The following CLINT1 variants were observed in gnomAD, a reference collection of about 807,000 sequenced individuals.
CLINT1 encodes the protein clathrin interactor 1.
In CLINT1, 15 loss-of-function variants were observed where a neutral mutation model predicts 70.4. That is an observed-to-expected ratio of 0.21 (90% CI 0.14 to 0.33). The LOEUF is 0.33. CLINT1 is among the 10% of genes least tolerant of loss of function. CLINT1 has a pLI of 1.00. For missense variants in CLINT1, 615 were observed against 778.1 expected (o/e 0.79, Z 2.49); for synonymous variants, 227 against 254.7 (o/e 0.89, Z 1.04).
chr5:157,803,635 A>T lies in CLINT1; in HGVS notation c.1012+15T>A, dbSNP rs762616691. On this transcript the variant is annotated intron_variant, in intron 8 of 11. Transcript: ENST00000411809. The stretch of plus-strand genomic sequence containing the variant: ...GACTCTCAAACCAAAAGAAAAGGCC[A>T]ATGTAGAAGCTTACCTGTTGACTGG... 3 of 1,452,920 alleles carry T rather than the reference A, an allele frequency of 2.1e-6. No individual in the cohort carries two copies. Among genetic ancestry groups the T allele is most frequent in the Non-Finnish European group, 2.8e-6 (3 of 1,088,826 alleles). The allele number at this position is 1,452,920 out of a possible 1,614,324, so 90.0% of individuals were successfully genotyped here. A position where few individuals can be genotyped will look rare whatever the true frequency, so the allele number is the denominator to read the frequency against.
At chr5:157,835,740 C>G (rs1481886659) in intron 1 of CLINT1, among the ~76,000 whole-genome samples, 1 of 152,112 alleles carries the variant, frequency 6.6e-6, no homozygotes, top group African/African-American at 2.4e-5. Flanking sequence ...ACAAAGCCAG[C>G]TCTTTTGGGG....
chr5:157,796,690 G>T (rs1194130806), intron 8 of CLINT1, among the ~76,000 whole-genome samples: 1 of 152,114 alleles, frequency 6.6e-6, no homozygotes, highest in Non-Finnish European at 1.5e-5. Flanking sequence ...TGCCCCATCT[G>T]CTACACTCAA....
intron 1 of CLINT1, among the ~76,000 whole-genome samples, chr5:157,825,940 G>T (rs1474474760): frequency 6.6e-6 from 1 of 152,082 alleles, no homozygotes; most frequent in Non-Finnish European, 1.5e-5. Flanking sequence ...ATTGCTGATT[G>T]ATATGGCTGA....
chr5:157,831,804 A>G (rs1187151), intron 1 of CLINT1, among the ~76,000 whole-genome samples: 20,185 of 146,804 alleles, frequency 0.14, 1,747 homozygotes, highest in African/African-American at 0.26. Flanking sequence ...AGCGATTCCC[A>G]TCTTACTCTC....
At chr5:157,788,150 T>C in intron 11 of CLINT1, 158 bp from the exon 12 acceptor site, 1 of 687,334 alleles carries the variant, frequency 1.5e-6, no homozygotes, top group Non-Finnish European at 2.6e-6. Flanking sequence ...TCTGCACTGG[T>C]TCCTCTTGAG....
rs760370291 is a variant in CLINT1 at position 157,814,167 on chromosome 5, G to C, written c.352+18C>G. The C allele has an allele frequency of 1.3e-6, 2 of 1,522,108 alleles. No individual in the cohort carries two copies. The highest frequency in any genetic ancestry group is 1.7e-5 in the Admixed American group (1 of 57,322). The allele number at this position is 1,522,108 out of a possible 1,614,324, so 94.3% of individuals were successfully genotyped here. A position where few individuals can be genotyped will look rare whatever the true frequency, so the allele number is the denominator to read the frequency against. On this transcript the variant is annotated intron_variant, in intron 4 of 11. Coordinates refer to ENST00000411809, the MANE Select transcript of CLINT1 (RefSeq NM_014666.4). ...AACTACTGTTTTAATTTGCTTATAA[G>C]GTTTTTCTATTGCTTACCTACAAAG...
chr5:157,792,401 A>G (rs1032524728), intron 9 of CLINT1, among the ~76,000 whole-genome samples: 3 of 152,166 alleles, frequency 2.0e-5, no homozygotes, highest in Non-Finnish European at 2.9e-5. Context: ...CAAAAAAATT[A>G]GCTGGGTGTT....
intron 1 of CLINT1, among the ~76,000 whole-genome samples, chr5:157,851,507 G>T (rs916861839): frequency 6.6e-6 from 1 of 151,754 alleles, no homozygotes; most frequent in Non-Finnish European, 1.5e-5. Context: ...TGGGAAATGC[G>T]GCAAAACTCC....
chr5:157,791,080 A>ACC (rs1761887253), intron 10 of CLINT1, among the ~76,000 whole-genome samples: 1 of 151,832 alleles, frequency 6.6e-6, no homozygotes, highest in African/African-American at 2.4e-5. Flanking sequence ...TTTTTTTGAG[A>ACC]CGGAGTATCA....
At chr5:157,789,804 A>G (rs1426007052) in intron 10 of CLINT1, 1 of 499,012 alleles carries the variant, frequency 2.0e-6, no homozygotes, top group South Asian at 2.3e-5. Flanking sequence ...CCCATCACTC[A>G]AAGTCTAGAA....
At chr5:157,838,624 A>T (rs1763513976) in intron 1 of CLINT1, among the ~76,000 whole-genome samples, 1 of 152,212 alleles carries the variant, frequency 6.6e-6, no homozygotes, top group Admixed American at 6.5e-5. Flanking sequence ...TGCTGCCATA[A>T]TTGAGACTCT....
At chr5:157,855,160 G>T (rs536320101) in intron 1 of CLINT1, among the ~76,000 whole-genome samples, 1 of 82,936 alleles carries the variant, frequency 1.2e-5, no homozygotes, top group Non-Finnish European at 2.5e-5. Context: ...AAAAAGGCGG[G>T]GGGGGGGGCG....
At chr5:157,800,336 C>T (rs1762173828) in intron 8 of CLINT1, among the ~76,000 whole-genome samples, 1 of 152,116 alleles carries the variant, frequency 6.6e-6, no homozygotes, top group Non-Finnish European at 1.5e-5. Context: ...GCCCACATTA[C>T]TTGCATGATG....
At chr5:157,829,481 G>A (rs909088808) in intron 1 of CLINT1, among the ~76,000 whole-genome samples, 1 of 152,126 alleles carries the variant, frequency 6.6e-6, no homozygotes, top group African/African-American at 2.4e-5. Context: ...ACACTTCTCA[G>A]AGACTATTAT....
In CLINT1 at chr5:157,787,712, G is replaced by C; in HGVS notation, c.1812C>G (p.Ala604=). The part of the protein sequence containing the change: ...GTMGMGMPNI[A]MTSGTVQPKQ... ...TGGGTTGCACAGTTCCAGAAGTCATGGCTATGTTGGGCATGCCCATTCCCA... is the reference window on the plus strand; with the variant it reads ...TGGGTTGCACAGTTCCAGAAGTCATCGCTATGTTGGGCATGCCCATTCCCA... Residue 604 remains alanine, a synonymous_variant, in exon 12 of 12, where the codon GCC becomes GCG. Coordinates refer to ENST00000411809, the MANE Select transcript of CLINT1 (RefSeq NM_014666.4). 6.2e-7 allele frequency: 1 copy of C among 1,613,974 alleles called. No individual in the cohort carries two copies. Among genetic ancestry groups the C allele is most frequent in the Non-Finnish European group, 8.5e-7 (1 of 1,179,886 alleles).
chr5:157,787,566 T>C lies in CLINT1; in HGVS notation c.*80A>G. ...AATTACTTGATAAAAGAAAGGGTAG[T>C]TGATTAGCATTTTCCATCCCAACAT... On this transcript the variant is annotated 3_prime_UTR_variant, in exon 12 of 12. Coordinates refer to ENST00000411809, the MANE Select transcript of CLINT1 (RefSeq NM_014666.4). The C allele has an allele frequency of 8.1e-6, 9 of 1,109,724 alleles. No individual in the cohort carries two copies. Among genetic ancestry groups the C allele is most frequent in the Non-Finnish European group, 1.1e-5 (8 of 756,770 alleles). The allele number at this position is 1,109,724 out of a possible 1,614,324, so 68.7% of individuals were successfully genotyped here.
intron 8 of CLINT1, among the ~76,000 whole-genome samples, chr5:157,796,352 A>G (rs528725958): frequency 6.6e-6 from 1 of 152,360 alleles, no homozygotes; most frequent in East Asian, 1.9e-4. Flanking sequence ...TTCAATTATA[A>G]CATTATTTCA....
chr5:157,813,172 A>C lies in CLINT1; in HGVS notation c.408T>G (p.Val136=). 1 of 1,613,778 alleles carries C rather than the reference A, an allele frequency of 6.2e-7. No individual in the cohort carries two copies. Among genetic ancestry groups the C allele is most frequent in the South Asian group, 1.1e-5 (1 of 91,072 alleles). ...GCCTGTCGTCATCCTGGGCAAATTC[A>C]ACCAATTCCTTCACCTTCTGTCGAA... ...INIRQKVKEL[V]EFAQDDDRLR... The change falls in exon 5 of 12, where the codon GTT becomes GTG. Residue 136 remains valine (V), a synonymous_variant. Transcript: ENST00000411809.
chr5:157,818,466 C>CCAA (rs1561653763), intron 1 of CLINT1, among the ~76,000 whole-genome samples: 1,776 of 99,874 alleles, frequency 0.018, 19 homozygotes, highest in African/African-American at 0.067. Context: ...GACCTGGTCT[C>CCAA]TAAAAAAAAA....
Sources: gnomAD v4.1 joint callset for allele counts (sites outside exome capture counted in the v4.1 genomes callset) on GRCh38, gnomAD v4.1.1 for gene constraint, MANE v1.5 for transcripts, NCBI Gene and HGNC (gene_info 2026-07-23, HGNC 2026-07-21) for gene names.